Variants in CORO1C observed in about 807,000 individuals in gnomAD.
The protein encoded by CORO1C is coronin-1C.
Under a neutral mutation model 51.2 loss-of-function variants are expected in CORO1C, and 14 were observed. The observed-to-expected ratio is 0.27, with a 90% CI of 0.18 to 0.43. The LOEUF (loss-of-function observed/expected upper bound fraction) is 0.43. Among genes scored for constraint, CORO1C ranks in the 20% least tolerant of loss-of-function variants. The probability of loss-of-function intolerance (pLI) is 1.00; values close to 1 mark genes in which losing one functional copy is unlikely to be tolerated. For synonymous variants in CORO1C, 181 were observed against 210.5 expected, an observed-to-expected ratio of 0.86 and a Z score of 1.21; for missense variants, 417 against 607.8, an observed-to-expected ratio of 0.69 and a Z score of 3.30.
intron 6 of CORO1C, 149 bp from the exon 7 acceptor site, chr12:108,654,559 C>T (rs2032846011): frequency 4.0e-6 from 2 of 497,572 alleles, no homozygotes; most frequent in Non-Finnish European, 7.2e-6. Context: ...ACATACAATA[C>T]TCATACATGG....
intron 1 of CORO1C, among the ~76,000 whole-genome samples, chr12:108,709,171 G>T (rs1227366541): frequency 1.3e-5 from 2 of 151,910 alleles, no homozygotes; most frequent in Admixed American, 1.3e-4. Flanking sequence ...TGAGTGAATT[G>T]TCTAGTATGT....
intron 1 of CORO1C, among the ~76,000 whole-genome samples, chr12:108,719,875 T>C (rs564448603): frequency 6.6e-6 from 1 of 152,356 alleles, no homozygotes; most frequent in South Asian, 2.1e-4. Context: ...TGTTACTTCA[T>C]TGACTCTAAA....
At chr12:108,704,302 T>C (rs966133409) in intron 1 of CORO1C, among the ~76,000 whole-genome samples, 3 of 151,984 alleles carry the variant, frequency 2.0e-5, no homozygotes, top group African/African-American at 7.2e-5. Context: ...TGAAACCCCA[T>C]CTCTACTAAA....
At chr12:108,695,236 C>T (rs1460364790) in intron 2 of CORO1C, among the ~76,000 whole-genome samples, 1 of 152,148 alleles carries the variant, frequency 6.6e-6, no homozygotes, top group African/African-American at 2.4e-5. Context: ...CATGGCAGCT[C>T]CAAAAGAGAC....
chr12:108,711,726 T>C (rs1025331432), intron 1 of CORO1C, among the ~76,000 whole-genome samples: 5 of 150,508 alleles, frequency 3.3e-5, no homozygotes, highest in Non-Finnish European at 7.4e-5. Context: ...AGGAAACATG[T>C]AGGGTGTTAG....
At chr12:108,677,706 G>C (rs2033956888) in intron 3 of CORO1C, among the ~76,000 whole-genome samples, 1 of 152,168 alleles carries the variant, frequency 6.6e-6, no homozygotes, top group South Asian at 2.1e-4. Context: ...TCTTCCAACA[G>C]AGAACATGTC....
intron 2 of CORO1C, among the ~76,000 whole-genome samples, chr12:108,681,991 G>T (rs1044460758): frequency 2.7e-5 from 4 of 146,142 alleles, no homozygotes; most frequent in Non-Finnish European, 6.0e-5. Flanking sequence ...TTTAAATAAA[G>T]ATATCCAAAT....
At chr12:108,659,228 C>A (rs1229401656) in intron 4 of CORO1C, among the ~76,000 whole-genome samples, 1 of 152,192 alleles carries the variant, frequency 6.6e-6, no homozygotes, top group Non-Finnish European at 1.5e-5. Context: ...AAGAACCACA[C>A]CAAAACAGAA....
chr12:108,691,123 G>A (rs1299987930), intron 2 of CORO1C, among the ~76,000 whole-genome samples: 2 of 152,054 alleles, frequency 1.3e-5, no homozygotes, highest in African/African-American at 4.8e-5. Context: ...AATGCCTTGG[G>A]CTCCATGGCT....
At chr12:108,647,608 G>A in intron 10 of CORO1C, 86 bp from the exon 11 acceptor site, 4 of 1,000,728 alleles carry the variant, frequency 4.0e-6, no homozygotes, top group Non-Finnish European at 5.8e-6. Context: ...ATAAAATGTA[G>A]TTTTCTATTT....
intron 1 of CORO1C, among the ~76,000 whole-genome samples, chr12:108,712,076 G>T (rs892155352): frequency 6.6e-6 from 1 of 152,128 alleles, no homozygotes; most frequent in Non-Finnish European, 1.5e-5. Context: ...TCAGCCAGTG[G>T]CAACCACAAG....
intron 3 of CORO1C, among the ~76,000 whole-genome samples, chr12:108,677,629 G>T (rs1250659872): frequency 6.6e-6 from 1 of 152,170 alleles, no homozygotes; most frequent in Non-Finnish European, 1.5e-5. Flanking sequence ...CTTTTGGGGC[G>T]AGGGGAAATT....
chr12:108,726,602 G>A (rs1465132644), intron 1 of CORO1C, among the ~76,000 whole-genome samples: 1 of 150,332 alleles, frequency 6.7e-6, no homozygotes, highest in African/African-American at 2.5e-5. Flanking sequence ...TTGAGCCCAG[G>A]AGTTCAAGAC....
In CORO1C at chr12:108,658,928, G is replaced by C. The variant is rs771517007; in HGVS notation, c.449-9C>G. 1.3e-6 allele frequency: 2 copies of C among 1,597,836 alleles called. No individual in the cohort carries two copies. The highest frequency in any genetic ancestry group is 2.2e-5 in the South Asian group (2 of 90,562). ...AATGGCATTATCACAGCCTAAAACA[G>C]GCAAAACCATCAGAGATTAGAAGAT... On this transcript the variant is annotated splice_polypyrimidine_tract_variant and intron_variant, in intron 4 of 10. Transcript: ENST00000261401. The surrounding 1 kb of genome is among the most constrained non-coding windows in gnomAD (Gnocchi z 4.9).
intron 10 of CORO1C, 103 bp from the exon 11 acceptor site, chr12:108,647,625 CGGCAA>C: frequency 1.3e-6 from 1 of 787,862 alleles, no homozygotes; most frequent in Non-Finnish European, 2.0e-6. Context: ...ATTTTGCAAA[CGGCAA>C]GCCATAGTCA....
chr12:108,673,687 CTT>C (rs1435440081), intron 3 of CORO1C, among the ~76,000 whole-genome samples: 1 of 152,146 alleles, frequency 6.6e-6, no homozygotes, highest in South Asian at 2.1e-4. Flanking sequence ...CAGCTGGTGA[CTT>C]TAAGTTGACG....
At chr12:108,695,816 C>T (rs1382584698) in intron 2 of CORO1C, among the ~76,000 whole-genome samples, 1 of 131,688 alleles carries the variant, frequency 7.6e-6, no homozygotes, top group Non-Finnish European at 1.5e-5. Flanking sequence ...TCCTATGCAT[C>T]TAGAAGACTG....
intron 2 of CORO1C, among the ~76,000 whole-genome samples, chr12:108,682,027 G>A (rs1476497676): frequency 1.3e-5 from 2 of 148,760 alleles, no homozygotes; most frequent in African/African-American, 2.5e-5. Flanking sequence ...AAAGGAAAGA[G>A]AGAGAATGTA....
rs755602768 is a variant in CORO1C at position 108,648,986 on chromosome 12, T to G, written c.1036A>C (p.Ile346Leu). Residue 346 changes from isoleucine to leucine, a missense_variant, in exon 9 of 11, where the codon ATT becomes CTT. Physicochemically the swap from Ile to Leu is conservative, Grantham distance 5. Coordinates refer to ENST00000261401, the MANE Select transcript of CORO1C (RefSeq NM_014325.4). ...ACCTTCCTGGGAACAGTCATAATAA[T>G]AGGTTCACACTTTCTCTCATGAAGT... is the stretch of plus-strand genomic sequence containing the variant. ...FKLHERKCEP[I>L]IMTVPRKSDL... 6.2e-6 allele frequency: 10 copies of G among 1,614,044 alleles called. No individual in the cohort carries two copies. The highest frequency in any genetic ancestry group is 8.5e-6 in the Non-Finnish European group (10 of 1,180,036).
Sources: gnomAD v4.1 joint callset for allele counts (sites outside exome capture counted in the v4.1 genomes callset) on GRCh38, gnomAD v4.1.1 for gene constraint, Gnocchi (gnomAD v3.1) non-coding constraint, MANE v1.5 for transcripts, NCBI Gene and HGNC (gene_info 2026-07-23, HGNC 2026-07-21) for gene names.